Variants in WDR72 observed in about 807,000 individuals in gnomAD.
WDR72 encodes WD repeat domain 72, also known as WD repeat-containing protein 72.
WDR72 carries 120 observed loss-of-function variants against 124.2 expected under a neutral mutation model. The ratio of observed to expected loss-of-function variants is 0.97; its 90% CI spans 0.83 to 1.12. WDR72 has a LOEUF of 1.12. Ranked by LOEUF, WDR72 falls within the 50% of genes most tolerant of loss-of-function variation. WDR72 has a pLI of 0.00. For synonymous variants in WDR72, 452 were observed against 441.7 expected, an observed-to-expected ratio of 1.02 and a Z score of -0.29; for missense variants, 1,387 against 1,278.8, an observed-to-expected ratio of 1.08 and a Z score of -1.29.
chr15:53,681,845 A>T (rs2016397338), intron 13 of WDR72, among the ~76,000 whole-genome samples: 1 of 152,142 alleles, frequency 6.6e-6, no homozygotes, highest in Non-Finnish European at 1.5e-5. Context: ...ATGCACACAC[A>T]CACACATCCA....
At chr15:53,596,243 T>A (rs1229339142) in intron 18 of WDR72, among the ~76,000 whole-genome samples, 1 of 152,122 alleles carries the variant, frequency 6.6e-6, no homozygotes, top group Non-Finnish European at 1.5e-5. Context: ...TTTAATCACA[T>A]GATAAATTAA....
At chr15:53,647,956 C>T (rs1309166807) in intron 14 of WDR72, among the ~76,000 whole-genome samples, 3 of 152,102 alleles carry the variant, frequency 2.0e-5, no homozygotes, top group Non-Finnish European at 4.4e-5. Flanking sequence ...TACTCCTAGT[C>T]CAGTGCTCCT....
chr15:53,657,775 C>G (rs1046583534), intron 14 of WDR72, among the ~76,000 whole-genome samples: 1 of 152,134 alleles, frequency 6.6e-6, no homozygotes, highest in African/African-American at 2.4e-5. Context: ...AAACCCAAAG[C>G]AGAACCAACC....
In WDR72 at chr15:53,702,332, A is replaced by G; in HGVS notation, c.1371T>C (p.Leu457=). The change falls in exon 12 of 20, where the codon CTT becomes CTC. Residue 457 remains leucine (L), a synonymous_variant. Coordinates refer to ENST00000360509, the MANE Select transcript of WDR72 (RefSeq NM_182758.4). ...LVKDSPPHKV[L]KGHHQSVTSL... is the part of the protein sequence containing the mutation. ...AAGTGACACTTTGGTGGTGGCCTTT[A>G]AGAACTTTATGAGGGGGAGAATCTG... 6.2e-7 allele frequency: 1 copy of G among 1,613,830 alleles called. No individual in the cohort carries two copies.
intron 13 of WDR72, among the ~76,000 whole-genome samples, chr15:53,674,818 A>G (rs1316873841): frequency 1.3e-5 from 2 of 152,138 alleles, no homozygotes; most frequent in Non-Finnish European, 2.9e-5. Flanking sequence ...GCTCTGCCAC[A>G]GCCTCCAGCA....
upstream of WDR72, among the ~76,000 whole-genome samples, chr15:53,760,467 A>G (rs1300750367): frequency 6.6e-6 from 1 of 152,190 alleles, no homozygotes; most frequent in Non-Finnish European, 1.5e-5. Context: ...TTCACTTAAC[A>G]TAATGATCTC....
At chr15:53,748,588 C>T (rs1438334354) in intron 1 of WDR72, among the ~76,000 whole-genome samples, 1 of 152,128 alleles carries the variant, frequency 6.6e-6, no homozygotes, top group Admixed American at 6.6e-5. Flanking sequence ...TTCAAAACTC[C>T]ACCCTAACTG....
chr15:53,654,247 T>C (rs1296810072), intron 14 of WDR72, among the ~76,000 whole-genome samples: 4 of 152,198 alleles, frequency 2.6e-5, no homozygotes. Flanking sequence ...ATTTAAGAGA[T>C]ATGATGTATC....
intron 18 of WDR72, among the ~76,000 whole-genome samples, chr15:53,581,839 A>G (rs1444691707): frequency 6.6e-6 from 1 of 152,066 alleles, no homozygotes; most frequent in African/African-American, 2.4e-5. Context: ...ATAAAGATTT[A>G]CTTGACTTTT....
Position 53,517,499 on chromosome 15 carries a change from A to G in WDR72, c.*200T>C. 1 of 569,620 alleles carries G rather than the reference A, an allele frequency of 1.8e-6. No homozygotes were observed. Among genetic ancestry groups the G allele is most frequent in the Non-Finnish European group, 3.1e-6 (1 of 317,932 alleles). The allele number at this position is 569,620 out of a possible 1,614,324, so 35.3% of individuals were successfully genotyped here. ...TTTTTCTAAAATTAGATGAATATGAATATTTTCAATCAGTATGTATTGCAT... is the reference window on the plus strand; with the variant it reads ...TTTTTCTAAAATTAGATGAATATGAGTATTTTCAATCAGTATGTATTGCAT... On this transcript the variant is annotated 3_prime_UTR_variant, in exon 20 of 20. Coordinates refer to ENST00000360509, the MANE Select transcript of WDR72 (RefSeq NM_182758.4).
chr15:53,616,195 T>G lies in WDR72; in HGVS notation c.2011A>C (p.Lys671Gln). The G allele has an allele frequency of 6.2e-7, 1 of 1,605,654 alleles. No individual in the cohort carries two copies. Among genetic ancestry groups the G allele is most frequent in the African/African-American group, 1.3e-5 (1 of 74,880 alleles). Reference sequence around the variant, plus strand: ...AAGCCAACGTTACTCCATTTTGTCTTCACAGGCAAGACATTAAAAGGTCTT... The same window carrying G: ...AAGCCAACGTTACTCCATTTTGTCTGCACAGGCAAGACATTAAAAGGTCTT... The part of the protein sequence containing the change: ...CPRPFNVLPV[K>Q]TKWSNVGFHI... Residue 671 changes from lysine to glutamine, a missense_variant, in exon 15 of 20, where the codon AAG becomes CAG. By Grantham distance (53) the Lys-to-Gln change is moderately conservative. Coordinates refer to ENST00000360509, the MANE Select transcript of WDR72 (RefSeq NM_182758.4).
At chr15:53,692,526 A>G (rs528560427) in intron 13 of WDR72, among the ~76,000 whole-genome samples, 2 of 152,326 alleles carry the variant, frequency 1.3e-5, no homozygotes, top group African/African-American at 4.8e-5. Context: ...AATATAGAAT[A>G]AAAAGAGTGG....
At chr15:53,608,063 T>C (rs1331679682) in intron 17 of WDR72, among the ~76,000 whole-genome samples, 1 of 152,120 alleles carries the variant, frequency 6.6e-6, no homozygotes, top group African/African-American at 2.4e-5. Flanking sequence ...GAAATGTAAA[T>C]GAGTACAACC....
chr15:53,651,777 C>T (rs967050692), intron 14 of WDR72, among the ~76,000 whole-genome samples: 1 of 152,046 alleles, frequency 6.6e-6, no homozygotes, highest in Non-Finnish European at 1.5e-5. Flanking sequence ...CTCAGCCTCC[C>T]GAGTAGCTGG....
intron 14 of WDR72, among the ~76,000 whole-genome samples, chr15:53,630,116 T>C (rs529171640): frequency 6.6e-6 from 1 of 152,124 alleles, no homozygotes; most frequent in African/African-American, 2.4e-5. Context: ...CAAGATGAAA[T>C]GGACAAATTT....
chr15:53,657,399 T>C (rs1182204494), intron 14 of WDR72, among the ~76,000 whole-genome samples: 1 of 151,314 alleles, frequency 6.6e-6, no homozygotes, highest in African/African-American at 2.4e-5. Flanking sequence ...AAAATATCTA[T>C]AAAATTATTA....
chr15:53,603,759 G>A (rs1175214080), intron 17 of WDR72, among the ~76,000 whole-genome samples: 1 of 151,908 alleles, frequency 6.6e-6, no homozygotes, highest in East Asian at 1.9e-4. Flanking sequence ...AAAACACCTA[G>A]GAATACAGCC....
intron 17 of WDR72, among the ~76,000 whole-genome samples, chr15:53,609,242 T>A (rs374647412): frequency 3.5e-4 from 53 of 152,204 alleles, no homozygotes; most frequent in African/African-American, 1.1e-3. Flanking sequence ...TAATGGACAA[T>A]CCTGCTTCAA....
intron 13 of WDR72, among the ~76,000 whole-genome samples, chr15:53,695,112 T>TA (rs2016963425): frequency 6.6e-6 from 1 of 152,238 alleles, no homozygotes. Context: ...AAGGTATTTT[T>TA]AAAAAGTATT....
Sources: gnomAD v4.1 joint callset for allele counts (sites outside exome capture counted in the v4.1 genomes callset) on GRCh38, gnomAD v4.1.1 for gene constraint, MANE v1.5 for transcripts, NCBI Gene and HGNC (gene_info 2026-07-23, HGNC 2026-07-21) for gene names.